ACER3: variants seen among roughly 807,000 people sequenced by gnomAD.
ACER3 encodes alkaline ceramidase 3, also known as alkCDase 3.
In ACER3, 16 loss-of-function variants were observed where a neutral mutation model predicts 48.9. The ratio of observed to expected loss-of-function variants is 0.33; its 90% CI spans 0.22 to 0.50. ACER3 has a LOEUF of 0.50. Ranked by LOEUF, ACER3 falls within the 20% of genes least tolerant of loss-of-function variation. The probability of loss-of-function intolerance (pLI) is 0.98; values close to 1 mark genes in which losing one functional copy is unlikely to be tolerated. For synonymous variants in ACER3, 109 were observed against 107.8 expected (o/e 1.01, Z -0.07); for missense variants, 227 against 326.0 (o/e 0.70, Z 2.34).
chr11:76,929,875 A>G (rs865986118), intron 2 of ACER3, among the ~76,000 whole-genome samples: 3 of 152,146 alleles, frequency 2.0e-5, no homozygotes, highest in Non-Finnish European at 4.4e-5. Flanking sequence ...GTTTGCCAGT[A>G]TTTTATTGAG....
At chr11:76,910,119 G>A (rs1260977390) in intron 1 of ACER3, among the ~76,000 whole-genome samples, 2 of 124,622 alleles carry the variant, frequency 1.6e-5, no homozygotes, top group Non-Finnish European at 3.3e-5. Context: ...ACTGGGGCCT[G>A]TTGGGGGGTG....
At chr11:76,865,958 C>T (rs867829368) in intron 1 of ACER3, among the ~76,000 whole-genome samples, 12 of 150,558 alleles carry the variant, frequency 8.0e-5, no homozygotes, top group African/African-American at 2.9e-4. Flanking sequence ...CTGGGAGGCA[C>T]GCACCACCAT....
chr11:76,934,216 G>A (rs569287104), intron 2 of ACER3, among the ~76,000 whole-genome samples: 7 of 151,716 alleles, frequency 4.6e-5, no homozygotes, highest in African/African-American at 1.7e-4. Flanking sequence ...GGGCAGCCAG[G>A]CAGAGGGGCT....
intron 2 of ACER3, among the ~76,000 whole-genome samples, chr11:76,932,642 T>C (rs1947038480): frequency 6.6e-6 from 1 of 152,182 alleles, no homozygotes; most frequent in African/African-American, 2.4e-5. Context: ...TGTCCACTTA[T>C]TCTCCCAGAA....
At chr11:76,929,937 T>G (rs1004275507) in intron 2 of ACER3, among the ~76,000 whole-genome samples, 5 of 152,106 alleles carry the variant, frequency 3.3e-5, no homozygotes, top group African/African-American at 7.2e-5. Context: ...TCTCTTTTTT[T>G]GTTGTGTCTC....
intron 1 of ACER3, among the ~76,000 whole-genome samples, chr11:76,892,133 C>A (rs373173486): frequency 2.6e-5 from 4 of 152,090 alleles, no homozygotes; most frequent in South Asian, 2.1e-4. Context: ...GGAAAAATTT[C>A]TTAACCTCGT....
chr11:76,877,035 C>T (rs544534971), intron 1 of ACER3, among the ~76,000 whole-genome samples: 1 of 152,168 alleles, frequency 6.6e-6, no homozygotes, highest in South Asian at 2.1e-4. Context: ...TATACCATGC[C>T]TTTTATTCTT....
Position 77,010,187 on chromosome 11 carries a change from T to TAAC in ACER3, c.498-4827_498-4826insCAA, listed in dbSNP as rs1353781575. On this transcript the variant is annotated intron_variant, in intron 7 of 10. Coordinates refer to ENST00000532485, the MANE Select transcript of ACER3 (RefSeq NM_018367.7). ...GAAATAATAATAATAATAATAATAATAATAATAATAACTAGTTTGGCATGG... is the reference window on the plus strand; with the variant it reads ...GAAATAATAATAATAATAATAATAATAACAATAATAATAACTAGTTTGGCATGG... Among the ~76,000 whole-genome samples, 50 of 106,752 alleles carry TAAC rather than the reference T, an allele frequency of 4.7e-4. No homozygotes were observed. The East Asian group carries it at 8.8e-3, about 19-fold the overall frequency. 70.0% of individuals were successfully genotyped at this position (106,752 alleles called of 152,430 possible).
At chr11:76,918,843 C>T (rs1946607078) in intron 1 of ACER3, among the ~76,000 whole-genome samples, 1 of 152,172 alleles carries the variant, frequency 6.6e-6, no homozygotes, top group South Asian at 2.1e-4. Flanking sequence ...GATAAGAACA[C>T]AGTAATGCCT....
intron 1 of ACER3, among the ~76,000 whole-genome samples, chr11:76,901,145 A>G (rs537630693): frequency 1.3e-5 from 2 of 152,010 alleles, no homozygotes; most frequent in African/African-American, 2.4e-5. Context: ...ATGAGCCTTA[A>G]TGGTCCTTCG....
chr11:76,959,873 G>C (rs1439676823), intron 3 of ACER3, among the ~76,000 whole-genome samples: 1 of 151,696 alleles, frequency 6.6e-6, no homozygotes, highest in African/African-American at 2.4e-5. Context: ...AATTTTATGT[G>C]TGGCTCAGGG....
intron 2 of ACER3, among the ~76,000 whole-genome samples, chr11:76,955,757 T>C (rs757464713): frequency 6.6e-6 from 1 of 151,818 alleles, no homozygotes; most frequent in African/African-American, 2.4e-5. Flanking sequence ...AACTGGGGAG[T>C]TGGGGAGGCA....
intron 1 of ACER3, among the ~76,000 whole-genome samples, chr11:76,908,838 G>C (rs1250758360): frequency 6.6e-6 from 1 of 152,100 alleles, no homozygotes; most frequent in Non-Finnish European, 1.5e-5. Flanking sequence ...AAAGAACAAA[G>C]CTGGAGGCAT....
intron 1 of ACER3, among the ~76,000 whole-genome samples, chr11:76,861,672 A>G (rs1944943713): frequency 6.6e-6 from 1 of 152,228 alleles, no homozygotes; most frequent in Admixed American, 6.5e-5. Context: ...ACCAGAGGTC[A>G]TCTGCTCTCT....
rs1054813237 is a variant in ACER3, at chr11:76,868,081, T to C, written c.103+7002T>C. 4 of 1,287,502 alleles carry C rather than the reference T, an allele frequency of 3.1e-6. No homozygotes were observed. In the Admixed American group the frequency reaches 6.9e-5, roughly 22 times the overall value. The allele number at this position is 1,287,502 out of a possible 1,614,324, so 79.8% of individuals were successfully genotyped here. A position where few individuals can be genotyped will look rare whatever the true frequency, so the allele number is the denominator to read the frequency against. ...GCCATGAAAGGCATTTGACTGCTTG[T>C]AGCCCTTTGCTATATTTCTTTTCTT... is the stretch of plus-strand genomic sequence containing the variant. On this transcript the variant is annotated intron_variant, in intron 1 of 10. Coordinates refer to ENST00000532485, the MANE Select transcript of ACER3 (RefSeq NM_018367.7).
chr11:76,907,373 T>C (rs1319446348), intron 1 of ACER3, among the ~76,000 whole-genome samples: 1 of 152,222 alleles, frequency 6.6e-6, no homozygotes, highest in Non-Finnish European at 1.5e-5. Context: ...TAGTGTTATT[T>C]AGCTGATTTG....
At chr11:77,002,728 A>T (rs1274200761) in intron 7 of ACER3, among the ~76,000 whole-genome samples, 1 of 152,174 alleles carries the variant, frequency 6.6e-6, no homozygotes, top group African/African-American at 2.4e-5. Context: ...TGGGCCTGGA[A>T]ATCTGTTTTT....
At chr11:76,975,694 G>A (rs980078635) in intron 3 of ACER3, among the ~76,000 whole-genome samples, 4 of 152,020 alleles carry the variant, frequency 2.6e-5, no homozygotes, top group African/African-American at 4.8e-5. Context: ...ACAATGACAA[G>A]TCTGCCCTCC....
intron 1 of ACER3, among the ~76,000 whole-genome samples, chr11:76,867,488 A>G (rs867539222): frequency 0.021 from 2,568 of 123,892 alleles, 170 homozygotes; most frequent in East Asian, 0.18. Context: ...AAAAAAAAAA[A>G]AAAAAAAAAG....
Sources: allele counts gnomAD v4.1 joint callset (sites outside exome capture counted in the v4.1 genomes callset), GRCh38; gene constraint gnomAD v4.1.1; transcripts MANE v1.5; gene names NCBI Gene and HGNC (gene_info 2026-07-23, HGNC 2026-07-21).